The following SHISA9 variants were observed in gnomAD, a reference collection of about 807,000 sequenced individuals.
The protein encoded by SHISA9 is shisa family member 9.
SHISA9 carries 13 observed loss-of-function variants against 38.0 expected under a neutral mutation model. That is an observed-to-expected ratio of 0.34 (90% CI 0.22 to 0.54). The LOEUF (loss-of-function observed/expected upper bound fraction) is 0.54. Among genes scored for constraint, SHISA9 ranks in the 20% least tolerant of loss-of-function variants. SHISA9 has a pLI of 0.91. For synonymous variants in SHISA9, 275 were observed against 242.0 expected (o/e 1.14, Z -1.27); for missense variants, 538 against 575.8 (o/e 0.93, Z 0.67).
At chr16:13,122,049 A>G (rs774231424) in intron 2 of SHISA9, among the ~76,000 whole-genome samples, 1 of 152,184 alleles carries the variant, frequency 6.6e-6, no homozygotes, top group East Asian at 1.9e-4. Context: ...TCCATGTCAG[A>G]TGTCATATTT....
At chr16:13,390,527 C>T in the SHISA9 span, among the ~76,000 whole-genome samples, 83 of 152,330 alleles carry the variant, frequency 5.4e-4, no homozygotes, top group African/African-American at 6.0e-4. Flanking sequence ...ATCTTTCTCA[C>T]TCTGCTGCTG....
At chr16:13,445,204 T>C in the SHISA9 span, among the ~76,000 whole-genome samples, 1 of 151,938 alleles carries the variant, frequency 6.6e-6, no homozygotes, top group African/African-American at 2.4e-5. Flanking sequence ...TTAATTCTTG[T>C]TATGTGCTTG....
the SHISA9 span, among the ~76,000 whole-genome samples, chr16:13,340,967 T>G: frequency 6.6e-6 from 1 of 152,228 alleles, no homozygotes; most frequent in African/African-American, 2.4e-5. Context: ...ATTTGTCTAC[T>G]GTGGGTTTTC....
At chr16:13,542,363 C>G in the SHISA9 span, among the ~76,000 whole-genome samples, 1 of 152,234 alleles carries the variant, frequency 6.6e-6, no homozygotes, top group Admixed American at 6.5e-5. Flanking sequence ...GCACCAGGCA[C>G]TGAACTTTCA....
At chr16:13,253,551 T>G in the SHISA9 span, among the ~76,000 whole-genome samples, 102,752 of 152,072 alleles carry the variant, frequency 0.68, 35,146 homozygotes, top group African/African-American at 0.76. Flanking sequence ...AATCTTGCAT[T>G]GTGGCAGGCA....
chr16:13,015,239 T>A (rs995744623), intron 2 of SHISA9, among the ~76,000 whole-genome samples: 3 of 152,252 alleles, frequency 2.0e-5, no homozygotes, highest in Non-Finnish European at 4.4e-5. Context: ...AATGACATGG[T>A]TGAGTAGTTG....
At chr16:13,438,352 A>G in the SHISA9 span, among the ~76,000 whole-genome samples, 1 of 151,858 alleles carries the variant, frequency 6.6e-6, no homozygotes, top group South Asian at 2.1e-4. Flanking sequence ...GTTCCCCAAT[A>G]CCCATCATTG....
chr16:13,203,737 ATATC>A (rs960708830), intron 3 of SHISA9, among the ~76,000 whole-genome samples, 188 bp downstream of exon 3: 3 of 151,754 alleles, frequency 2.0e-5, no homozygotes, highest in Non-Finnish European at 2.9e-5. Context: ...GTATATCTAT[ATATC>A]TATCTATGTC....
chr16:12,956,049 A>T (rs67966052), intron 2 of SHISA9, among the ~76,000 whole-genome samples: 29,226 of 152,174 alleles, frequency 0.19, 3,452 homozygotes, highest in Middle Eastern at 0.35. Context: ...AGTAACTAAA[A>T]CAACTCAACA....
the SHISA9 span, among the ~76,000 whole-genome samples, chr16:13,461,759 G>T: frequency 2.7e-5 from 4 of 150,898 alleles, no homozygotes; most frequent in South Asian, 2.1e-4. Context: ...GACCACAGGC[G>T]CCCGCCACCA....
intron 2 of SHISA9, among the ~76,000 whole-genome samples, chr16:12,994,151 G>A (rs2072426886): frequency 6.6e-6 from 1 of 152,190 alleles, no homozygotes; most frequent in African/African-American, 2.4e-5. Flanking sequence ...TTGTGAAAAG[G>A]TCATGTTGGC....
intron 2 of SHISA9, among the ~76,000 whole-genome samples, chr16:13,036,309 T>C (rs1384812681): frequency 6.6e-6 from 1 of 152,230 alleles, no homozygotes; most frequent in African/African-American, 2.4e-5. Flanking sequence ...AAATAAGTTA[T>C]TGATACATGT....
chr16:12,992,834 T>C (rs1501318), intron 2 of SHISA9, among the ~76,000 whole-genome samples: 64,506 of 152,056 alleles, frequency 0.42, 14,010 homozygotes, highest in African/African-American at 0.46. Flanking sequence ...ACTGAATGCA[T>C]ACCATGTACT....
the SHISA9 span, among the ~76,000 whole-genome samples, chr16:13,435,801 G>C: frequency 6.6e-6 from 1 of 152,196 alleles, no homozygotes; most frequent in African/African-American, 2.4e-5. Flanking sequence ...CATAGGGCTT[G>C]GGGGTACTTC....
chr16:13,394,971 C>A, the SHISA9 span, among the ~76,000 whole-genome samples: 1 of 110,010 alleles, frequency 9.1e-6, no homozygotes, highest in Non-Finnish European at 2.0e-5. Context: ...GTGTGTGTGG[C>A]TGTTTGTGTG....
At chr16:12,909,325 T>C (rs1157063636) in intron 1 of SHISA9, 1 of 985,322 alleles carries the variant, frequency 1.0e-6, no homozygotes, top group African/African-American at 1.7e-5. Flanking sequence ...GAAAGCTCAC[T>C]CATGCCCATT....
chr16:13,278,844 T>C, the SHISA9 span, among the ~76,000 whole-genome samples: 58 of 152,208 alleles, frequency 3.8e-4, no homozygotes, highest in African/African-American at 1.3e-3. Flanking sequence ...CTATCAATTT[T>C]ATTCATTTTT....
the SHISA9 span, among the ~76,000 whole-genome samples, chr16:13,397,508 T>G: frequency 6.6e-6 from 1 of 152,004 alleles, no homozygotes. Flanking sequence ...AATCTTGGCT[T>G]ACTGCAATCT....
chr16:13,255,427 T>G, the SHISA9 span, among the ~76,000 whole-genome samples: 1 of 152,230 alleles, frequency 6.6e-6, no homozygotes, highest in Admixed American at 6.5e-5. Flanking sequence ...GTGTGTGTCT[T>G]TCTCTTTCAT....
Sources: allele counts gnomAD v4.1 joint callset (sites outside exome capture counted in the v4.1 genomes callset), GRCh38; gene constraint gnomAD v4.1.1; transcripts MANE v1.5; gene names NCBI Gene and HGNC (gene_info 2026-07-23, HGNC 2026-07-21).